PPP1R12B: variants seen among roughly 807,000 people sequenced by gnomAD.
PPP1R12B encodes protein phosphatase 1 regulatory subunit 12B.
In PPP1R12B, 76 loss-of-function variants were observed where a neutral mutation model predicts 126.1. That is an observed-to-expected ratio of 0.60 (90% CI 0.50 to 0.73). The LOEUF (loss-of-function observed/expected upper bound fraction) is 0.73, where lower values mean the gene tolerates loss of function less well. Among genes scored for constraint, PPP1R12B ranks in the 30% least tolerant of loss-of-function variants. The probability of loss-of-function intolerance (pLI) is 0.00; values close to 1 mark genes in which losing one functional copy is unlikely to be tolerated. For synonymous variants in PPP1R12B, 356 were observed against 434.7 expected, an observed-to-expected ratio of 0.82 and a Z score of 2.25; for missense variants, 1,052 against 1,205.1, an observed-to-expected ratio of 0.87 and a Z score of 1.88.
At chr1:202,358,012 A>T (rs370613490) in intron 1 of PPP1R12B, among the ~76,000 whole-genome samples, 1 of 152,136 alleles carries the variant, frequency 6.6e-6, no homozygotes. Flanking sequence ...TCAGTATTTG[A>T]GACTATTTTA....
chr1:202,553,398 G>A (rs1686521367), intron 18 of PPP1R12B, among the ~76,000 whole-genome samples: 1 of 152,182 alleles, frequency 6.6e-6, no homozygotes, highest in Admixed American at 6.5e-5. Context: ...TCAACAGAAG[G>A]TAGAGCAAAA....
At position 202,442,481 on chromosome 1, in the gene PPP1R12B, T is replaced by C. The variant is rs1572045231; in HGVS notation, c.1576T>C (p.Tyr526His). The change falls in exon 12 of 24, where the codon TAT becomes CAT. Residue 526 changes from tyrosine to histidine, a missense_variant. Coordinates refer to ENST00000608999, the MANE Select transcript of PPP1R12B (RefSeq NM_002481.4). ...SAVNLVRSGS[Y>H]TRQLWRDEAK... is the part of the protein sequence containing the mutation. ...TGTTAATCTAGTGAGGAGTGGCTCC[T>C]ATACCCGGCAGCTATGGAGGGATGA... The C allele has an allele frequency of 6.2e-7, 1 of 1,613,772 alleles. No homozygotes were observed. The highest frequency in any genetic ancestry group is 8.5e-7 in the Non-Finnish European group (1 of 1,179,830).
At chr1:202,388,110 T>C (rs1218627797) in intron 1 of PPP1R12B, among the ~76,000 whole-genome samples, 1 of 142,518 alleles carries the variant, frequency 7.0e-6, no homozygotes, top group Non-Finnish European at 1.5e-5. Flanking sequence ...ATCCTGTTCA[T>C]AGAAGCAGCA....
intron 18 of PPP1R12B, among the ~76,000 whole-genome samples, chr1:202,539,433 A>G (rs1684883284): frequency 6.6e-6 from 1 of 152,192 alleles, no homozygotes; most frequent in Non-Finnish European, 1.5e-5. Flanking sequence ...GGGGAGGGGA[A>G]AAGATGTGTG....
chr1:202,393,351 C>A (rs1241929342), intron 1 of PPP1R12B, among the ~76,000 whole-genome samples: 1 of 151,122 alleles, frequency 6.6e-6, no homozygotes, highest in Non-Finnish European at 1.5e-5. Context: ...AGAAACTTCT[C>A]AGATTTCATT....
At chr1:202,418,433 C>T (rs1331010943) in intron 2 of PPP1R12B, among the ~76,000 whole-genome samples, 1 of 151,610 alleles carries the variant, frequency 6.6e-6, no homozygotes, top group African/African-American at 2.4e-5. Context: ...GCATTATCCT[C>T]CTGTGTGTGA....
At chr1:202,383,827 ATAATT>A (rs1244904566) in intron 1 of PPP1R12B, among the ~76,000 whole-genome samples, 2 of 152,240 alleles carry the variant, frequency 1.3e-5, no homozygotes, top group African/African-American at 4.8e-5. Context: ...ACATATAACA[ATAATT>A]TATTTTTTAC....
intron 21 of PPP1R12B, among the ~76,000 whole-genome samples, chr1:202,566,574 T>C (rs1174288476): frequency 6.6e-6 from 1 of 152,204 alleles, no homozygotes; most frequent in Admixed American, 6.5e-5. Flanking sequence ...ATATAAACCT[T>C]GAAAATCATG....
intron 1 of PPP1R12B, among the ~76,000 whole-genome samples, chr1:202,415,683 C>G (rs895004542): frequency 2.6e-5 from 4 of 152,134 alleles, no homozygotes; most frequent in African/African-American, 9.7e-5. Flanking sequence ...AGCCTAAAGC[C>G]TTTATTCAGA....
At chr1:202,469,464 A>G (rs1298332602) in intron 13 of PPP1R12B, among the ~76,000 whole-genome samples, 1 of 152,160 alleles carries the variant, frequency 6.6e-6, no homozygotes, top group Non-Finnish European at 1.5e-5. Context: ...ACCTATATAA[A>G]TAAATAAAAA....
intron 1 of PPP1R12B, among the ~76,000 whole-genome samples, chr1:202,350,945 G>A (rs893005248): frequency 1.6e-4 from 24 of 152,136 alleles, no homozygotes; most frequent in African/African-American, 4.8e-4. Flanking sequence ...AATAAGAGAA[G>A]AAGGGGATGA....
At chr1:202,354,194 T>C (rs1281009715) in intron 1 of PPP1R12B, among the ~76,000 whole-genome samples, 1 of 152,200 alleles carries the variant, frequency 6.6e-6, no homozygotes, top group Non-Finnish European at 1.5e-5. Flanking sequence ...ATGCGTACAG[T>C]TGTGGAACCA....
intron 1 of PPP1R12B, among the ~76,000 whole-genome samples, chr1:202,358,462 C>A (rs1657520393): frequency 6.6e-6 from 1 of 152,180 alleles, no homozygotes; most frequent in Non-Finnish European, 1.5e-5. Flanking sequence ...GCAGGCAGAT[C>A]ACGAGGTCAG....
chr1:202,569,037 G>A, intron 22 of PPP1R12B, 110 bp from the exon 23 acceptor site: 1 of 1,211,654 alleles, frequency 8.3e-7, no homozygotes, highest in Non-Finnish European at 1.2e-6. Context: ...GCCTGAGTCA[G>A]CAGACAAACC....
intron 13 of PPP1R12B, chr1:202,463,000 C>T (rs575162798): frequency 2.0e-6 from 2 of 985,380 alleles, no homozygotes; most frequent in South Asian, 4.7e-5. Context: ...AGACAAGCCT[C>T]TGCCATAGTT....
chr1:202,358,727 T>G (rs891615641), intron 1 of PPP1R12B, among the ~76,000 whole-genome samples: 3 of 151,926 alleles, frequency 2.0e-5, no homozygotes, highest in Non-Finnish European at 2.9e-5. Flanking sequence ...GTATTGGAAA[T>G]TGACTTGCAT....
intron 18 of PPP1R12B, among the ~76,000 whole-genome samples, chr1:202,498,826 C>T (rs1157554040): frequency 6.6e-6 from 1 of 152,170 alleles, no homozygotes; most frequent in African/African-American, 2.4e-5. Context: ...AGCTAATCAG[C>T]ATGGATACAG....
chr1:202,492,199 C>T (rs188530649), intron 14 of PPP1R12B, among the ~76,000 whole-genome samples: 191 of 152,300 alleles, frequency 1.3e-3, no homozygotes, highest in African/African-American at 4.4e-3. Context: ...TCATTATACT[C>T]GTCTGTCTTC....
chr1:202,396,147 A>G (rs368884858), intron 1 of PPP1R12B, among the ~76,000 whole-genome samples: 109 of 152,282 alleles, frequency 7.2e-4, no homozygotes, highest in African/African-American at 2.5e-3. Context: ...CACTGCACCA[A>G]AAAAACCCTT....
Sources: gnomAD v4.1 joint callset for allele counts (sites outside exome capture counted in the v4.1 genomes callset) on GRCh38, gnomAD v4.1.1 for gene constraint, MANE v1.5 for transcripts, NCBI Gene and HGNC (gene_info 2026-07-23, HGNC 2026-07-21) for gene names.